HIVEP3: variants seen among roughly 807,000 people sequenced by gnomAD.
HIVEP3 encodes HIVEP zinc finger 3.
HIVEP3 carries 49 observed loss-of-function variants against 152.8 expected under a neutral mutation model. That is an observed-to-expected ratio of 0.32 (90% confidence interval 0.26 to 0.41). The LOEUF is 0.41. Ranked by LOEUF, HIVEP3 falls within the 10% of genes least tolerant of loss-of-function variation. The pLI, the probability that HIVEP3 is intolerant of heterozygous loss-of-function variation, is 1.00. For synonymous variants in HIVEP3, 1,269 were observed against 1,289.0 expected, an observed-to-expected ratio of 0.98 and a Z score of 0.33; for missense variants, 2,790 against 3,103.3, an observed-to-expected ratio of 0.90 and a Z score of 2.40.
intron 3 of HIVEP3, among the ~76,000 whole-genome samples, chr1:41,623,620 T>G (rs982936821): frequency 1.3e-5 from 2 of 152,160 alleles, no homozygotes; most frequent in African/African-American, 4.8e-5. Flanking sequence ...GAAGGGCAGG[T>G]GGCCTGGGAG....
chr1:41,917,459 C>T (rs1644888470), intron 1 of HIVEP3, among the ~76,000 whole-genome samples: 1 of 152,186 alleles, frequency 6.6e-6, no homozygotes, highest in Admixed American at 6.5e-5. Context: ...ACCCAGCGAC[C>T]AGATCTGCAG....
intron 1 of HIVEP3, among the ~76,000 whole-genome samples, chr1:41,799,245 T>C (rs950839193): frequency 1.3e-5 from 2 of 152,190 alleles, no homozygotes; most frequent in Admixed American, 6.5e-5. Flanking sequence ...AACTCCTCAG[T>C]AGGCATGTGA....
chr1:41,679,464 T>A lies in HIVEP3; in HGVS notation c.-721+21452A>T, dbSNP rs149113349. Among the ~76,000 whole-genome samples the A allele has an allele frequency of 5.1e-3, 784 of 152,382 alleles. 3 individuals are homozygous for A. The highest frequency in any genetic ancestry group is 6.5e-3 in the Non-Finnish European group (444 of 68,046). On this transcript the variant is annotated intron_variant, in intron 2 of 8. Transcript: ENST00000372583. ...GTTGGGTGCGTGGGACTCATTTGCC[T>A]ATACCTGCAATGGAAGCTGCTAGTC... is the stretch of plus-strand genomic sequence containing the variant.
At chr1:41,829,476 G>A (rs764599931) in intron 1 of HIVEP3, among the ~76,000 whole-genome samples, 1 of 152,086 alleles carries the variant, frequency 6.6e-6, no homozygotes, top group Admixed American at 6.5e-5. Flanking sequence ...GCGGCCATTA[G>A]ACAGACAAAC....
upstream of HIVEP3, among the ~76,000 whole-genome samples, chr1:41,921,499 T>C (rs1644941652): frequency 6.6e-6 from 1 of 152,194 alleles, no homozygotes; most frequent in Non-Finnish European, 1.5e-5. Flanking sequence ...CTGCTCCTCC[T>C]TCACCTCTGC....
At chr1:41,983,424 A>G (rs1472293863) in intron 1 of HIVEP3, among the ~76,000 whole-genome samples, 2 of 152,210 alleles carry the variant, frequency 1.3e-5, no homozygotes, top group Non-Finnish European at 2.9e-5. Flanking sequence ...ACTTTTTGTT[A>G]TCCTTTTCCT....
chr1:41,854,452 T>G (rs1295679463), intron 1 of HIVEP3, among the ~76,000 whole-genome samples: 1 of 151,498 alleles, frequency 6.6e-6, no homozygotes, highest in East Asian at 1.9e-4. Flanking sequence ...TCTGAGCTTC[T>G]GCCCATGCCG....
At chr1:42,032,594 T>C (rs1246277729) in intron 1 of HIVEP3, among the ~76,000 whole-genome samples, 1 of 152,168 alleles carries the variant, frequency 6.6e-6, no homozygotes, top group East Asian at 1.9e-4. Flanking sequence ...TCCACCCCAC[T>C]GGATTTCCCA....
At chr1:41,771,140 C>T (rs1474484353) in intron 1 of HIVEP3, among the ~76,000 whole-genome samples, 3 of 152,074 alleles carry the variant, frequency 2.0e-5, no homozygotes, top group Admixed American at 2.0e-4. Context: ...GGGAGTGGAG[C>T]AATGATGAAA....
At chr1:41,782,558 C>G (rs1570527372) in intron 1 of HIVEP3, among the ~76,000 whole-genome samples, 2 of 152,020 alleles carry the variant, frequency 1.3e-5, no homozygotes, top group Middle Eastern at 3.4e-3. Flanking sequence ...ATGGTGAAAC[C>G]CTGTCTCTAC....
chr1:41,688,447 C>T (rs889318251), intron 2 of HIVEP3, among the ~76,000 whole-genome samples: 5 of 152,252 alleles, frequency 3.3e-5, no homozygotes, highest in African/African-American at 1.2e-4. Flanking sequence ...GCCCCCACAT[C>T]GGTCCCTCCC....
chr1:41,796,065 T>C (rs1231660260), intron 1 of HIVEP3, among the ~76,000 whole-genome samples: 2 of 152,206 alleles, frequency 1.3e-5, no homozygotes, highest in Non-Finnish European at 2.9e-5. Flanking sequence ...AAAATATATG[T>C]GTGTATACTA....
chr1:41,627,618 G>T (rs894884352), intron 3 of HIVEP3, among the ~76,000 whole-genome samples: 6 of 152,168 alleles, frequency 3.9e-5, no homozygotes, highest in Non-Finnish European at 8.8e-5. Flanking sequence ...GCTGCCTGTG[G>T]CCCCATCCCC....
chr1:41,803,470 G>A (rs1337942657), intron 1 of HIVEP3, among the ~76,000 whole-genome samples: 1 of 152,192 alleles, frequency 6.6e-6, no homozygotes, highest in Non-Finnish European at 1.5e-5. Flanking sequence ...TTCCTGTCAT[G>A]TCCTAACAGG....
At chr1:41,624,884 G>A (rs1645094150) in intron 3 of HIVEP3, among the ~76,000 whole-genome samples, 1 of 152,108 alleles carries the variant, frequency 6.6e-6, no homozygotes, top group African/African-American at 2.4e-5. Flanking sequence ...AGAATTCCTT[G>A]GCCAGGCGCG....
chr1:41,828,877 G>A (rs1163106823), intron 1 of HIVEP3, among the ~76,000 whole-genome samples: 3 of 152,228 alleles, frequency 2.0e-5, no homozygotes, highest in Admixed American at 6.5e-5. Context: ...TTCATGGCAT[G>A]TTTTATCTGG....
intron 1 of HIVEP3, among the ~76,000 whole-genome samples, chr1:41,826,399 C>T (rs1277807585): frequency 2.0e-5 from 3 of 152,110 alleles, no homozygotes; most frequent in Non-Finnish European, 4.4e-5. Flanking sequence ...GTGTGAGATG[C>T]CCTGGGTGTT....
intron 1 of HIVEP3, among the ~76,000 whole-genome samples, chr1:41,852,265 G>A (rs1305219573): frequency 6.6e-6 from 1 of 152,206 alleles, no homozygotes; most frequent in Non-Finnish European, 1.5e-5. Flanking sequence ...AGAGCCCCGT[G>A]GGGCTGCCAG....
chr1:41,983,078 T>A (rs548054660), intron 1 of HIVEP3, among the ~76,000 whole-genome samples: 119 of 152,242 alleles, frequency 7.8e-4, no homozygotes, highest in African/African-American at 2.8e-3. Context: ...CACAATAGGG[T>A]TCACACCCCT....
Sources: allele counts gnomAD v4.1 joint callset (sites outside exome capture counted in the v4.1 genomes callset), GRCh38; gene constraint gnomAD v4.1.1; transcripts MANE v1.5; gene names NCBI Gene and HGNC (gene_info 2026-07-23, HGNC 2026-07-21).